HS6ST3: variants seen among roughly 807,000 people sequenced by gnomAD.
HS6ST3 encodes the protein heparan-sulfate 6-O-sulfotransferase 3.
In HS6ST3, 12 loss-of-function variants were observed where a neutral mutation model predicts 36.7. The ratio of observed to expected loss-of-function variants is 0.33; its 90% confidence interval spans 0.21 to 0.53. HS6ST3 has a LOEUF of 0.53. Among genes scored for constraint, HS6ST3 ranks in the 20% least tolerant of loss-of-function variants. HS6ST3 has a pLI of 0.95. For synonymous variants in HS6ST3, 240 were observed against 257.5 expected (o/e 0.93, Z 0.65); for missense variants, 584 against 640.9 (o/e 0.91, Z 0.96).
At position 96,250,745 on chromosome 13, in the gene HS6ST3, C is replaced by A. The variant is rs189350372; in HGVS notation, c.707+159176C>A. 3.3e-3 allele frequency among the ~76,000 whole-genome samples: 508 copies of A among 152,274 alleles called. 3 individuals carry two copies. Among genetic ancestry groups the A allele is most frequent in the Non-Finnish European group, 5.6e-3 (378 of 68,018 alleles). ...CCGTTCGGCAAAATATGACTAGATACCGGCAGTACGTACCTTCTACACATA... is the reference window on the plus strand; with the variant it reads ...CCGTTCGGCAAAATATGACTAGATAACGGCAGTACGTACCTTCTACACATA... On this transcript the variant is annotated intron_variant, in intron 1 of 1. Transcript: ENST00000376705.
At chr13:96,365,473 C>T (rs2055258525) in intron 1 of HS6ST3, among the ~76,000 whole-genome samples, 3 of 152,128 alleles carry the variant, frequency 2.0e-5, no homozygotes, top group Admixed American at 2.0e-4. Context: ...AAATATTTAT[C>T]CTATTTTTTC....
At chr13:96,475,633 A>T (rs564348901) in intron 1 of HS6ST3, among the ~76,000 whole-genome samples, 138 of 151,982 alleles carry the variant, frequency 9.1e-4, no homozygotes, top group African/African-American at 3.2e-3. Flanking sequence ...AAAAAAAAGA[A>T]AAGAAAGAAA....
At chr13:96,626,498 GTCT>G (rs2056512955) in intron 1 of HS6ST3, among the ~76,000 whole-genome samples, 1 of 152,060 alleles carries the variant, frequency 6.6e-6, no homozygotes, top group Non-Finnish European at 1.5e-5. Flanking sequence ...GAATTTTACT[GTCT>G]TCTTATATAA....
In HS6ST3 at chr13:96,090,498, C is replaced by T. The variant is rs1205131537; in HGVS notation, c.-365C>T. ...CGCGGCAGGTCCAGGACCCGAACCC[C>T]GCTCCCCAGCGCCTGAGCGCCTGCA... On this transcript the variant is annotated 5_prime_UTR_variant, in exon 1 of 2. Transcript: ENST00000376705. Among the ~76,000 whole-genome samples, 2 of 146,554 alleles carry T rather than the reference C, an allele frequency of 1.4e-5. No individual in the cohort carries two copies. The highest frequency in any genetic ancestry group is 3.0e-5 in the Non-Finnish European group (2 of 65,860).
chr13:96,205,711 A>G (rs2054366636), intron 1 of HS6ST3, among the ~76,000 whole-genome samples: 1 of 152,226 alleles, frequency 6.6e-6, no homozygotes, highest in African/African-American at 2.4e-5. Flanking sequence ...TATAAACAGA[A>G]CTAAAGACAA....
chr13:96,617,053 A>T (rs2056477090), intron 1 of HS6ST3, among the ~76,000 whole-genome samples: 1 of 152,218 alleles, frequency 6.6e-6, no homozygotes, highest in South Asian at 2.1e-4. Context: ...CTGGCATCTT[A>T]AACTAATTTA....
intron 1 of HS6ST3, among the ~76,000 whole-genome samples, chr13:96,625,306 C>T (rs1051900105): frequency 3.3e-5 from 5 of 152,138 alleles, no homozygotes; most frequent in Non-Finnish European, 5.9e-5. Context: ...GGGCTGGTTT[C>T]CCATCTGGTT....
intron 1 of HS6ST3, among the ~76,000 whole-genome samples, chr13:96,425,796 T>A (rs1439690238): frequency 6.6e-6 from 1 of 152,026 alleles, no homozygotes; most frequent in Admixed American, 6.6e-5. Context: ...ACCAGAATGA[T>A]TTTTTGGGGG....
At chr13:96,108,632 T>C (rs1215122271) in intron 1 of HS6ST3, among the ~76,000 whole-genome samples, 3 of 152,182 alleles carry the variant, frequency 2.0e-5, no homozygotes, top group Non-Finnish European at 4.4e-5. Flanking sequence ...TCTTTTGTAC[T>C]CTTTCCCTTT....
At chr13:96,783,997 C>T (rs1877582999) in intron 1 of HS6ST3, among the ~76,000 whole-genome samples, 1 of 151,824 alleles carries the variant, frequency 6.6e-6, no homozygotes, top group Non-Finnish European at 1.5e-5. Flanking sequence ...TCCTGGAGGC[C>T]TCTCTTGATC....
chr13:96,170,866 T>C (rs2054184053), intron 1 of HS6ST3, among the ~76,000 whole-genome samples: 1 of 152,208 alleles, frequency 6.6e-6, no homozygotes, highest in African/African-American at 2.4e-5. Flanking sequence ...GGAAACTGTA[T>C]TGAATTTCTG....
At chr13:96,160,131 A>G (rs571405719) in intron 1 of HS6ST3, among the ~76,000 whole-genome samples, 1 of 152,248 alleles carries the variant, frequency 6.6e-6, no homozygotes, top group Admixed American at 6.5e-5. Flanking sequence ...CTTAAAATCC[A>G]TATAGCTATG....
chr13:96,756,198 A>G (rs1876828269), intron 1 of HS6ST3, among the ~76,000 whole-genome samples: 1 of 152,160 alleles, frequency 6.6e-6, no homozygotes, highest in African/African-American at 2.4e-5. Flanking sequence ...TTGGGAAAAC[A>G]ATATTAATTG....
At chr13:96,550,320 T>G (rs1055139927) in intron 1 of HS6ST3, among the ~76,000 whole-genome samples, 3 of 152,068 alleles carry the variant, frequency 2.0e-5, no homozygotes, top group African/African-American at 7.2e-5. Context: ...CTCCCTCTCT[T>G]GCCATGTGAC....
In HS6ST3 at chr13:96,230,000, G is replaced by A. The variant is rs79010621; in HGVS notation, c.707+138431G>A. Among the ~76,000 whole-genome samples, 1,448 of 152,270 alleles carry A rather than the reference G, an allele frequency of 9.5e-3. 31 individuals are homozygous for A. The highest frequency in any genetic ancestry group is 0.033 in the African/African-American group (1,387 of 41,562). On this transcript the variant is annotated intron_variant, in intron 1 of 1. Transcript: ENST00000376705. Reference sequence around the variant, plus strand: ...AGTACATGCGGAGTTAGGAAAGCACGGGGTATGTTCAAGAATTGCAAGTAA... The same window carrying A: ...AGTACATGCGGAGTTAGGAAAGCACAGGGTATGTTCAAGAATTGCAAGTAA...
chr13:96,349,591 ATAGCTTAATGCAAGTT>A (rs1315100801), intron 1 of HS6ST3, among the ~76,000 whole-genome samples: 1 of 152,214 alleles, frequency 6.6e-6, no homozygotes, highest in Non-Finnish European at 1.5e-5. Flanking sequence ...TATTAATGGT[ATAGCTTAATGCAAGTT>A]TTAGCTTGCC....
intron 1 of HS6ST3, among the ~76,000 whole-genome samples, chr13:96,121,411 C>T (rs1778234475): frequency 6.6e-6 from 1 of 152,134 alleles, no homozygotes; most frequent in Non-Finnish European, 1.5e-5. Flanking sequence ...GCGCTATCTG[C>T]AGAAGAGGCA....
chr13:96,127,795 AC>A lies in HS6ST3; in HGVS notation c.707+36230del, dbSNP rs542404478. Among the ~76,000 whole-genome samples the A allele has an allele frequency of 2.6e-5, 4 of 152,122 alleles. No homozygotes were observed. The South Asian group carries it at 8.3e-4, about 32-fold the overall frequency. ...CTCACACATTTCTGTAATTTCATCT[AC>A]CCCTTGTGTGCTCATTGGTTGCTTA... On this transcript the variant is annotated intron_variant, in intron 1 of 1. Coordinates refer to ENST00000376705, the MANE Select transcript of HS6ST3 (RefSeq NM_153456.4).
chr13:96,648,967 A>G (rs748056228), intron 1 of HS6ST3, among the ~76,000 whole-genome samples: 2 of 151,954 alleles, frequency 1.3e-5, no homozygotes, highest in Admixed American at 6.6e-5. Flanking sequence ...TACTATCTAT[A>G]TTGATCTCAG....
Sources: gnomAD v4.1 joint callset for allele counts (sites outside exome capture counted in the v4.1 genomes callset) on GRCh38, gnomAD v4.1.1 for gene constraint, MANE v1.5 for transcripts, NCBI Gene and HGNC (gene_info 2026-07-23, HGNC 2026-07-21) for gene names.